Variants in SH2D2A observed in about 807,000 individuals in gnomAD.
SH2D2A encodes SH2 domain containing 2A.
A neutral mutation model predicts 43.6 loss-of-function variants in SH2D2A; 33 were observed. The ratio of observed to expected loss-of-function variants is 0.76; its 90% CI spans 0.57 to 1.01. The LOEUF (loss-of-function observed/expected upper bound fraction) is 1.01, where lower values mean the gene tolerates loss of function less well. SH2D2A is among the 50% of genes least tolerant of loss of function. The pLI, the probability that SH2D2A is intolerant of heterozygous loss-of-function variation, is 0.00. For synonymous variants in SH2D2A, 212 were observed against 206.1 expected, an observed-to-expected ratio of 1.03 and a Z score of -0.25; for missense variants, 491 against 503.1, an observed-to-expected ratio of 0.98 and a Z score of 0.23.
chr1:156,814,724 A>C (rs1292966223), intron 3 of SH2D2A: 1 of 415,684 alleles, frequency 2.4e-6, no homozygotes, highest in African/African-American at 2.0e-5. Context: ...ATAAAGATGG[A>C]GTAAGCCTGG....
intron 1 of SH2D2A, 22 bp from the exon 2 acceptor site, chr1:156,816,116 C>T (rs1456726126): frequency 6.2e-7 from 1 of 1,602,594 alleles, no homozygotes; most frequent in Non-Finnish European, 8.5e-7. Flanking sequence ...AAGAGGGCTG[C>T]CGGGGTTTCT....
At chr1:156,811,459 T>C (rs1653414255) in intron 5 of SH2D2A, among the ~76,000 whole-genome samples, 1 of 152,234 alleles carries the variant, frequency 6.6e-6, no homozygotes, top group Admixed American at 6.5e-5. Flanking sequence ...CTCAGACTTC[T>C]ACAGCTCTGC....
chr1:156,807,094 A>C lies in SH2D2A; in HGVS notation c.*3+81T>G. ...AACACCTATGGTTTATTCCATCCACATTTCTTGAGAAGTGTGCCAGGTGTG... is the reference window on the plus strand; with the variant it reads ...AACACCTATGGTTTATTCCATCCACCTTTCTTGAGAAGTGTGCCAGGTGTG... On this transcript the variant is annotated intron_variant, in intron 8 of 8. Coordinates refer to ENST00000368199, the MANE Select transcript of SH2D2A (RefSeq NM_003975.4). The surrounding 1 kb of genome is among the most constrained non-coding windows in gnomAD (Gnocchi z 5.1). 6 of 1,278,280 alleles carry C rather than the reference A, an allele frequency of 4.7e-6. No homozygotes were observed. The highest frequency in any genetic ancestry group is 6.8e-6 in the Non-Finnish European group (6 of 883,142). The allele number at this position is 1,278,280 out of a possible 1,614,324, so 79.2% of individuals were successfully genotyped here.
Position 156,814,265 on chromosome 1 carries a change from G to A in SH2D2A, c.338C>T (p.Pro113Leu), listed in dbSNP as rs760451688. ...REAERLLEPKPQGCYLVRFSE... is the reference protein window; with the variant it reads ...REAERLLEPKLQGCYLVRFSE... ...GAACCGCACCAAGTAGCACCCCTGA[G>A]GCTTGGGCTCCAGCAGCCTCTCTGC... The change falls in exon 4 of 9, where the codon CCT becomes CTT. Residue 113 changes from proline to leucine, a missense_variant. Pro to Leu is a moderately conservative substitution (Grantham distance 98). Coordinates refer to ENST00000368199, the MANE Select transcript of SH2D2A (RefSeq NM_003975.4). The A allele has an allele frequency of 7.4e-6, 12 of 1,613,776 alleles. No homozygotes were observed. The Middle Eastern group carries it at 4.9e-4, about 66-fold the overall frequency.
rs144198035 is a variant in SH2D2A, at chr1:156,811,674, A to G, written c.568-1867T>C. 1.3e-4 allele frequency among the ~76,000 whole-genome samples: 20 copies of G among 152,196 alleles called. No homozygotes were observed. The East Asian group carries it at 3.9e-3, about 29-fold the overall frequency. On this transcript the variant is annotated intron_variant, in intron 5 of 8. Transcript: ENST00000368199. ...CCTCCTCTCTGTCAAACCTAGTATC[A>G]ATTCCACCCTCTGCCCTCACCCGCC...
At position 156,806,581 on chromosome 1, in the gene SH2D2A, G is replaced by A. The variant is rs1182076082; in HGVS notation, c.*4-8C>T. The A allele has an allele frequency of 1.3e-5, 2 of 155,506 alleles. No individual in the cohort carries two copies. Among genetic ancestry groups the A allele is most frequent in the Non-Finnish European group, 2.9e-5 (2 of 70,166 alleles). The allele number at this position is 155,506 out of a possible 1,614,324, so 9.6% of individuals were successfully genotyped here. On this transcript the variant is annotated splice_region_variant and splice_polypyrimidine_tract_variant and intron_variant, in intron 8 of 8. Transcript: ENST00000368199. ...TTGGGGGTCAGGCCAGACCTGTCAG[G>A]GGGACAGAGTTAAGCCAGGATCCAC...
intron 2 of SH2D2A, 116 bp downstream of exon 2, chr1:156,815,890 C>T (rs369302487): frequency 1.3e-5 from 21 of 1,613,288 alleles, no homozygotes; most frequent in African/African-American, 2.7e-5. Flanking sequence ...TTGGCAGACC[C>T]GGATCATTCC....
At chr1:156,812,398 C>G (rs975445920) in intron 5 of SH2D2A, among the ~76,000 whole-genome samples, 1 of 152,188 alleles carries the variant, frequency 6.6e-6, no homozygotes, top group African/African-American at 2.4e-5. Context: ...CCTCAGTCAC[C>G]GGATCCACCC....
intron 7 of SH2D2A, among the ~76,000 whole-genome samples, chr1:156,808,155 G>C (rs1318298554): frequency 6.6e-6 from 1 of 152,144 alleles, no homozygotes; most frequent in African/African-American, 2.4e-5. Context: ...CCAATGATGG[G>C]GGCTGGAGCT....
intron 4 of SH2D2A, 82 bp from the exon 5 acceptor site, chr1:156,814,098 C>A: frequency 6.6e-7 from 1 of 1,511,684 alleles, no homozygotes. Flanking sequence ...CCACCTTCAG[C>A]AGCCCGGGGA....
At chr1:156,808,680 G>A (rs1571608982) in intron 7 of SH2D2A, among the ~76,000 whole-genome samples, 2 of 152,298 alleles carry the variant, frequency 1.3e-5, no homozygotes, top group East Asian at 3.9e-4. Flanking sequence ...CTTAGGGCTG[G>A]GGAGAAGGAA....
intron 8 of SH2D2A, among the ~76,000 whole-genome samples, chr1:156,806,797 C>G (rs1385924034): frequency 3.3e-5 from 5 of 152,328 alleles, no homozygotes; most frequent in African/African-American, 4.8e-5. Flanking sequence ...GTCACTGTCC[C>G]TCTCAGGCTA....
At chr1:156,814,979 C>T in intron 3 of SH2D2A, 58 bp downstream of exon 3, 1 of 1,397,812 alleles carries the variant, frequency 7.2e-7, no homozygotes. Context: ...GGTGGCAGGA[C>T]CCAGACCCAG....
Position 156,809,779 on chromosome 1 carries a change from C to T in SH2D2A, c.596G>A (p.Arg199Lys), listed in dbSNP as rs751310070. 7 of 1,613,860 alleles carry T rather than the reference C, an allele frequency of 4.3e-6. No individual in the cohort carries two copies. Among genetic ancestry groups the T allele is most frequent in the Non-Finnish European group, 5.1e-6 (6 of 1,179,860 alleles). ...QTPEPAGLSL[R>K]TEESNFGSKS... ...GCTTCCAAAGTTTGATTCTTCGGTC[C>T]TCAGGGAAAGTCCTGCAGGCTCAGG... Residue 199 changes from arginine (R) to lysine (K), a missense_variant, in exon 6 of 9, where the codon AGG becomes AAG. Arg to Lys is a conservative substitution (Grantham distance 26). Transcript: ENST00000368199. The surrounding 1 kb of genome is among the most constrained non-coding windows in gnomAD (Gnocchi z 4.8).
chr1:156,808,137 G>A (rs760737646), intron 7 of SH2D2A, among the ~76,000 whole-genome samples: 18 of 152,170 alleles, frequency 1.2e-4, no homozygotes, highest in Non-Finnish European at 2.1e-4. Flanking sequence ...GGGTGACAAA[G>A]CCAGACCCCA....
At chr1:156,808,192 G>A (rs1435452741) in intron 7 of SH2D2A, among the ~76,000 whole-genome samples, 3 of 152,168 alleles carry the variant, frequency 2.0e-5, no homozygotes, top group Admixed American at 6.5e-5. Context: ...TACTTAGGAA[G>A]AGATCCAGCA....
intron 5 of SH2D2A, among the ~76,000 whole-genome samples, chr1:156,811,204 A>C (rs1160082918): frequency 1.3e-5 from 2 of 152,148 alleles, no homozygotes; most frequent in African/African-American, 4.8e-5. Context: ...AATCAAACAC[A>C]AGTCCTGCTC....
rs1653021723 is a variant in SH2D2A at position 156,807,136 on chromosome 1, C to T, written c.*3+39G>A. The T allele has an allele frequency of 1.3e-6, 2 of 1,585,054 alleles. No individual in the cohort carries two copies. Among genetic ancestry groups the T allele is most frequent in the Non-Finnish European group, 1.7e-6 (2 of 1,156,058 alleles). On this transcript the variant is annotated intron_variant, in intron 8 of 8. Transcript: ENST00000368199. The surrounding 1 kb of genome is among the most constrained non-coding windows in gnomAD (Gnocchi z 5.1). ...CCAGGTGTGTGTGAAGGTCTCTGGA[C>T]CTGATGCTCCAAGTTATCCTCACCA... is the stretch of plus-strand genomic sequence containing the variant.
Position 156,807,355 on chromosome 1 carries a change from G to A in SH2D2A, c.1003-10C>T. On this transcript the variant is annotated splice_polypyrimidine_tract_variant and intron_variant, in intron 7 of 8. Coordinates refer to ENST00000368199, the MANE Select transcript of SH2D2A (RefSeq NM_003975.4). This position sits in a 1 kb window ranked among gnomAD's most constrained non-coding sequence, Gnocchi z 5.1. ...GGGAGCCACCTGTATTCTGCAGAGA[G>A]AAGGACAGTTCTAGGTCACACCCTC... The A allele has an allele frequency of 6.6e-7, 1 of 1,524,228 alleles. No homozygotes were observed. The highest frequency in any genetic ancestry group is 1.4e-5 in the African/African-American group (1 of 73,636). 94.4% of individuals were successfully genotyped at this position (1,524,228 alleles called of 1,614,324 possible).
Sources: gnomAD v4.1 joint callset for allele counts (sites outside exome capture counted in the v4.1 genomes callset) on GRCh38, gnomAD v4.1.1 for gene constraint, Gnocchi (gnomAD v3.1) non-coding constraint, MANE v1.5 for transcripts, NCBI Gene and HGNC (gene_info 2026-07-23, HGNC 2026-07-21) for gene names.